The following DYNC2H1 variants were observed in gnomAD, a reference collection of about 807,000 sequenced individuals.
DYNC2H1 encodes the protein cytoplasmic dynein 2 heavy chain 1.
DYNC2H1 carries 410 observed loss-of-function variants against 570.0 expected under a neutral mutation model. That is an observed-to-expected ratio of 0.72 (90% CI 0.66 to 0.78). The LOEUF (loss-of-function observed/expected upper bound fraction) is 0.78. DYNC2H1 is among the 30% of genes least tolerant of loss of function. The pLI, the probability that DYNC2H1 is intolerant of heterozygous loss-of-function variation, is 0.00. For missense variants in DYNC2H1, 4,865 were observed against 5,046.4 expected (o/e 0.96, Z 1.09); for synonymous variants, 1,688 against 1,677.6 (o/e 1.01, Z -0.15).
intron 83 of DYNC2H1, among the ~76,000 whole-genome samples, chr11:103,396,839 G>A (rs1942418169): frequency 6.6e-6 from 1 of 152,188 alleles, no homozygotes; most frequent in South Asian, 2.1e-4. Flanking sequence ...TATGGGTGGA[G>A]CTGAAGGCCA....
rs1938369696 is a variant in DYNC2H1, at chr11:103,324,524, C to T, written c.12039+534C>T. On this transcript the variant is annotated intron_variant, in intron 82 of 88. Transcript: ENST00000375735. The surrounding 1 kb of genome is among the most constrained non-coding windows in gnomAD (Gnocchi z 5.2). ...GGTCTTGCTCCAGCTCCTTCACTTC[C>T]TTGCTGCAAAGGACATGGTCTTGTT... 6.6e-6 allele frequency among the ~76,000 whole-genome samples: 1 copy of T among 152,132 alleles called. No homozygotes were observed. The highest frequency in any genetic ancestry group is 6.5e-5 in the Admixed American group (1 of 15,282).
intron 82 of DYNC2H1, among the ~76,000 whole-genome samples, chr11:103,338,824 C>T (rs892389489): frequency 6.6e-6 from 1 of 152,076 alleles, no homozygotes; most frequent in East Asian, 1.9e-4. Flanking sequence ...CACTGGTGCC[C>T]TATTTAGTCT....
intron 6 of DYNC2H1, among the ~76,000 whole-genome samples, chr11:103,119,382 C>G (rs1858577718): frequency 6.6e-6 from 1 of 151,950 alleles, no homozygotes. Context: ...ATATGTTGCC[C>G]AGGTTAGAGT....
At position 103,280,260 on chromosome 11, in the gene DYNC2H1, A is replaced by G. The variant is rs1285748647; in HGVS notation, c.10696-88A>G. Reference sequence around the variant, plus strand: ...AGTAGGTCATATGAAGACAGAATAGAGATTTTTGTGTGCCAAATTTTAACG... The same window carrying G: ...AGTAGGTCATATGAAGACAGAATAGGGATTTTTGTGTGCCAAATTTTAACG... On this transcript the variant is annotated intron_variant, in intron 70 of 88. Transcript: ENST00000375735. This position sits in a 1 kb window ranked among gnomAD's most constrained non-coding sequence, Gnocchi z 4.7. The G allele has an allele frequency of 1.6e-6, 2 of 1,290,316 alleles. No individual in the cohort carries two copies. The highest frequency in any genetic ancestry group is 4.1e-5 in the Admixed American group (2 of 49,154). The allele number at this position is 1,290,316 out of a possible 1,614,324, so 79.9% of individuals were successfully genotyped here. A position where few individuals can be genotyped will look rare whatever the true frequency, so the allele number is the denominator to read the frequency against.
chr11:103,428,370 G>C (rs1002275993), intron 84 of DYNC2H1, among the ~76,000 whole-genome samples: 1 of 152,000 alleles, frequency 6.6e-6, no homozygotes, highest in Non-Finnish European at 1.5e-5. Context: ...TATATTCAAT[G>C]AGCTCAATAT....
intron 60 of DYNC2H1, among the ~76,000 whole-genome samples, chr11:103,233,705 A>G (rs1864102695): frequency 6.6e-6 from 1 of 151,972 alleles, no homozygotes; most frequent in African/African-American, 2.4e-5. Flanking sequence ...ATAATGAAAT[A>G]AAACTAGAAA....
intron 88 of DYNC2H1, among the ~76,000 whole-genome samples, 159 bp downstream of exon 88, chr11:103,468,864 T>C (rs1395123324): frequency 6.6e-6 from 1 of 152,236 alleles, no homozygotes; most frequent in Non-Finnish European, 1.5e-5. Context: ...TCCTTTATCA[T>C]GTTTAAGATG....
intron 83 of DYNC2H1, among the ~76,000 whole-genome samples, chr11:103,359,808 G>T (rs1940548720): frequency 6.6e-6 from 1 of 151,912 alleles, no homozygotes; most frequent in Admixed American, 6.6e-5. Flanking sequence ...GGGACTACAG[G>T]TGCACACTAC....
chr11:103,468,322 A>G lies in DYNC2H1; in HGVS notation c.12649-267A>G, dbSNP rs1448946245. The G allele has an allele frequency of 1.3e-5, 3 of 228,326 alleles. No homozygotes were observed. In the East Asian group the frequency reaches 2.8e-4, roughly 21 times the overall value. The allele number at this position is 228,326 out of a possible 1,614,324, so 14.1% of individuals were successfully genotyped here. ...CTGTAATTCTATTACACTAATGTCA[A>G]GACACCCGCAGTTGTATAACAGATG... is the stretch of plus-strand genomic sequence containing the variant. On this transcript the variant is annotated intron_variant, in intron 87 of 88. Coordinates refer to ENST00000375735, the MANE Select transcript of DYNC2H1 (RefSeq NM_001377.3).
intron 84 of DYNC2H1, chr11:103,406,372 G>A (rs540562086): frequency 7.2e-5 from 11 of 152,006 alleles, no homozygotes; most frequent in South Asian, 4.1e-4. Context: ...TAAATTAGGC[G>A]TATATAAAAG....
chr11:103,165,424 C>T (rs1245063787), intron 30 of DYNC2H1, among the ~76,000 whole-genome samples: 2 of 152,158 alleles, frequency 1.3e-5, no homozygotes, highest in Admixed American at 6.5e-5. Flanking sequence ...CCACCGCACC[C>T]GGCCAAGGCA....
In DYNC2H1 at chr11:103,275,733, T is replaced by C. The variant is rs1483164432; in HGVS notation, c.10696-4615T>C. Among the ~76,000 whole-genome samples, 1 of 152,202 alleles carries C rather than the reference T, an allele frequency of 6.6e-6. No individual in the cohort carries two copies. On this transcript the variant is annotated intron_variant, in intron 70 of 88. Coordinates refer to ENST00000375735, the MANE Select transcript of DYNC2H1 (RefSeq NM_001377.3). The surrounding 1 kb of genome is among the most constrained non-coding windows in gnomAD (Gnocchi z 4.8). ...TAATGTTGATTAAAATTCCTTTATCTGGAGGACCACAGTTTATCCATTCGG... is the reference window on the plus strand; with the variant it reads ...TAATGTTGATTAAAATTCCTTTATCCGGAGGACCACAGTTTATCCATTCGG...
chr11:103,227,209 T>C (rs1292841214), intron 59 of DYNC2H1, among the ~76,000 whole-genome samples: 1 of 152,116 alleles, frequency 6.6e-6, no homozygotes, highest in South Asian at 2.1e-4. Flanking sequence ...TCGTTATTTT[T>C]TTTTTCTGTT....
chr11:103,150,517 A>G (rs886372667), intron 20 of DYNC2H1, among the ~76,000 whole-genome samples: 1 of 152,170 alleles, frequency 6.6e-6, no homozygotes, highest in Non-Finnish European at 1.5e-5. Context: ...TTCCTGAAAT[A>G]GGGATGACTA....
intron 37 of DYNC2H1, among the ~76,000 whole-genome samples, chr11:103,176,677 C>T (rs1434427456): frequency 6.6e-5 from 10 of 151,858 alleles, no homozygotes; most frequent in East Asian, 3.9e-4. Context: ...AAGTAATCTC[C>T]GTGAAAGGCA....
Position 103,395,038 on chromosome 11 carries a change from A to T in DYNC2H1, c.12157-4625A>T, listed in dbSNP as rs1942339579. On this transcript the variant is annotated intron_variant, in intron 83 of 88. Transcript: ENST00000375735. This position sits in a 1 kb window ranked among gnomAD's most constrained non-coding sequence, Gnocchi z 4.3. The stretch of plus-strand genomic sequence containing the variant: ...AGAAATCCACTTGTGGATTTAATTT[A>T]ATGCAGATATGTACATAATATACAG... Among the ~76,000 whole-genome samples, 1 of 152,172 alleles carries T rather than the reference A, an allele frequency of 6.6e-6. No homozygotes were observed. Among genetic ancestry groups the T allele is most frequent in the Non-Finnish European group, 1.5e-5 (1 of 68,040 alleles).
chr11:103,148,868 C>A (rs1362217919), intron 20 of DYNC2H1, among the ~76,000 whole-genome samples: 2 of 152,032 alleles, frequency 1.3e-5, no homozygotes, highest in Non-Finnish European at 2.9e-5. Context: ...ACCAGCCTGA[C>A]CAACATGGTC....
At chr11:103,162,033 A>T (rs540964098) in intron 29 of DYNC2H1, among the ~76,000 whole-genome samples, 1 of 152,216 alleles carries the variant, frequency 6.6e-6, no homozygotes, top group Non-Finnish European at 1.5e-5. Context: ...GAGATTTGCT[A>T]ATCATATTTG....
intron 17 of DYNC2H1, among the ~76,000 whole-genome samples, chr11:103,138,645 G>C (rs2134799317): frequency 6.6e-6 from 1 of 152,288 alleles, no homozygotes; most frequent in South Asian, 2.1e-4. Flanking sequence ...TTACATCGAT[G>C]TTCATCAAGG....
Sources: allele counts gnomAD v4.1 joint callset (sites outside exome capture counted in the v4.1 genomes callset), GRCh38; gene constraint gnomAD v4.1.1; non-coding constraint Gnocchi (gnomAD v3.1); transcripts MANE v1.5; gene names NCBI Gene and HGNC (gene_info 2026-07-23, HGNC 2026-07-21).